The following POC1B variants were observed in gnomAD, a reference collection of about 807,000 sequenced individuals.
The protein encoded by POC1B is POC1 centriolar protein homolog B.
Under a neutral mutation model 60.6 loss-of-function variants are expected in POC1B, and 44 were observed. The ratio of observed to expected loss-of-function variants is 0.73; its 90% CI spans 0.57 to 0.93. The LOEUF is 0.93. Ranked by LOEUF, POC1B falls within the 40% of genes least tolerant of loss-of-function variation. POC1B has a pLI of 0.00. For missense variants in POC1B, 555 were observed against 572.3 expected (o/e 0.97, Z 0.31); for synonymous variants, 180 against 198.9 (o/e 0.90, Z 0.80).
intron 5 of POC1B, among the ~76,000 whole-genome samples, 158 bp downstream of exon 5, chr12:89,472,010 C>T (rs1053960175): frequency 6.6e-6 from 1 of 152,058 alleles, no homozygotes; most frequent in African/African-American, 2.4e-5. Flanking sequence ...TCAGGTGATC[C>T]GCCTGCCTCA....
At position 89,524,145 on chromosome 12, in the gene POC1B, A is replaced by C. The variant is rs781059300; in HGVS notation, c.100+975T>G. The C allele has an allele frequency of 7.4e-6, 12 of 1,614,030 alleles. No homozygotes were observed. In the South Asian group the frequency reaches 1.3e-4, roughly 18 times the overall value. On this transcript the variant is annotated intron_variant, in intron 2 of 11. Coordinates refer to ENST00000313546, the MANE Select transcript of POC1B (RefSeq NM_172240.3). ...AGAAAGCAATGATAACAGAGGTGGT[A>C]GGAAGTGTCCTATAGTTGAACTTCT...
intron 3 of POC1B, chr12:89,496,934 C>G (rs1565749782): frequency 4.4e-6 from 2 of 457,380 alleles, no homozygotes; most frequent in African/African-American, 3.9e-5. Context: ...ACTACTCCCT[C>G]AAAAAAACTT....
intron 2 of POC1B, among the ~76,000 whole-genome samples, chr12:89,515,285 G>T (rs4842492): frequency 0.72 from 109,981 of 151,914 alleles, 39,918 homozygotes; most frequent in Middle Eastern, 0.82. Flanking sequence ...ATATATCATT[G>T]TATTTATTTA....
chr12:89,518,618 T>A (rs1469059764), intron 2 of POC1B, among the ~76,000 whole-genome samples: 1 of 152,184 alleles, frequency 6.6e-6, no homozygotes, highest in Non-Finnish European at 1.5e-5. Flanking sequence ...AACATTCTCA[T>A]AATCCCCTAC....
chr12:89,485,347 G>A (rs889898114), intron 4 of POC1B: 1 of 152,280 alleles, frequency 6.6e-6, no homozygotes. Flanking sequence ...CTGCAATAAG[G>A]TAAGCCAAGA....
intron 4 of POC1B, among the ~76,000 whole-genome samples, chr12:89,481,960 G>A (rs921057353): frequency 6.6e-6 from 1 of 152,038 alleles, no homozygotes; most frequent in Non-Finnish European, 1.5e-5. Flanking sequence ...CAAGCAGAAA[G>A]TTAATTTCAT....
At chr12:89,506,424 CTG>C (rs1369941988) in intron 2 of POC1B, among the ~76,000 whole-genome samples, 1 of 152,156 alleles carries the variant, frequency 6.6e-6, no homozygotes, top group Non-Finnish European at 1.5e-5. Context: ...GTACTAAAGA[CTG>C]TAAACTAGAT....
chr12:89,514,539 G>C (rs1870357313), intron 2 of POC1B, among the ~76,000 whole-genome samples: 1 of 147,608 alleles, frequency 6.8e-6, no homozygotes, highest in Non-Finnish European at 1.5e-5. Context: ...CTCCCAAGTA[G>C]CTGGGACTAC....
chr12:89,493,619 T>C (rs1232616382), intron 3 of POC1B, among the ~76,000 whole-genome samples: 1 of 152,196 alleles, frequency 6.6e-6, no homozygotes, highest in Non-Finnish European at 1.5e-5. Context: ...GGAGTATAGT[T>C]TGGCCTGAAT....
chr12:89,428,148 C>T (rs1015296187), intron 10 of POC1B: 1 of 152,288 alleles, frequency 6.6e-6, no homozygotes, highest in Admixed American at 6.5e-5. Flanking sequence ...TGCTCCACAA[C>T]CATCCTCACC....
At chr12:89,483,328 G>A (rs1227502364) in intron 4 of POC1B, among the ~76,000 whole-genome samples, 1 of 152,062 alleles carries the variant, frequency 6.6e-6, no homozygotes, top group Non-Finnish European at 1.5e-5. Context: ...ACCACAATTT[G>A]TAAGTTTCCT....
At chr12:89,401,478 A>AT in the POC1B span, among the ~76,000 whole-genome samples, 282 of 136,000 alleles carry the variant, frequency 2.1e-3, 1 homozygote, top group Non-Finnish European at 2.9e-3. Flanking sequence ...TGCCTTTTTC[A>AT]TTTTTTTTTT....
At chr12:89,446,135 A>G (rs1881775796) in intron 10 of POC1B, among the ~76,000 whole-genome samples, 1 of 152,182 alleles carries the variant, frequency 6.6e-6, no homozygotes, top group Non-Finnish European at 1.5e-5. Flanking sequence ...GAGAAATAGG[A>G]ACACTTTTAC....
At chr12:89,513,697 T>C (rs10858891) in intron 2 of POC1B, among the ~76,000 whole-genome samples, 75,132 of 151,972 alleles carry the variant, frequency 0.49, 18,743 homozygotes, top group East Asian at 0.58. Flanking sequence ...GAACTGGTTC[T>C]GGTCCATGGC....
the POC1B span, among the ~76,000 whole-genome samples, chr12:89,413,426 G>A: frequency 6.6e-6 from 1 of 151,844 alleles, no homozygotes; most frequent in Non-Finnish European, 1.5e-5. Flanking sequence ...CCAACTCCTG[G>A]CCTTAAGTGA....
At chr12:89,518,837 T>C (rs2135768834) in intron 2 of POC1B, among the ~76,000 whole-genome samples, 1 of 152,320 alleles carries the variant, frequency 6.6e-6, no homozygotes, top group East Asian at 1.9e-4. Flanking sequence ...CAGGAACTTT[T>C]AAGTGTATAA....
intron 10 of POC1B, among the ~76,000 whole-genome samples, chr12:89,457,545 A>G (rs1309759258): frequency 6.6e-6 from 1 of 152,214 alleles, no homozygotes; most frequent in Non-Finnish European, 1.5e-5. Context: ...ATCTACCTAG[A>G]TGGGAGTTTA....
At chr12:89,479,390 T>C (rs992794180) in intron 4 of POC1B, among the ~76,000 whole-genome samples, 7 of 152,200 alleles carry the variant, frequency 4.6e-5, no homozygotes, top group African/African-American at 1.7e-4. Flanking sequence ...AATACAAAGC[T>C]TTTTCATGTG....
chr12:89,498,513 T>C (rs1869374133), intron 2 of POC1B, among the ~76,000 whole-genome samples: 1 of 152,224 alleles, frequency 6.6e-6, no homozygotes, highest in Admixed American at 6.5e-5. Context: ...TAGAGAAACA[T>C]AGGGCCTGGC....
Sources: gnomAD v4.1 joint callset for allele counts (sites outside exome capture counted in the v4.1 genomes callset) on GRCh38, gnomAD v4.1.1 for gene constraint, MANE v1.5 for transcripts, NCBI Gene and HGNC (gene_info 2026-07-23, HGNC 2026-07-21) for gene names.